Variants in DOCK2 observed in about 807,000 individuals in gnomAD.
DOCK2 encodes the protein dedicator of cytokinesis 2.
DOCK2 carries 87 observed loss-of-function variants against 248.9 expected under a neutral mutation model. The ratio of observed to expected loss-of-function variants is 0.35; its 90% CI spans 0.29 to 0.42. DOCK2 has a LOEUF of 0.42. Among genes scored for constraint, DOCK2 ranks in the 10% least tolerant of loss-of-function variants. The pLI, the probability that DOCK2 is intolerant of heterozygous loss-of-function variation, is 1.00. For synonymous variants in DOCK2, 805 were observed against 821.6 expected (o/e 0.98, Z 0.35); for missense variants, 1,747 against 2,300.2 (o/e 0.76, Z 4.92).
intron 29 of DOCK2, among the ~76,000 whole-genome samples, chr5:169,986,702 G>T (rs551034783): frequency 6.6e-6 from 1 of 152,102 alleles, no homozygotes; most frequent in African/African-American, 2.4e-5. Context: ...AAATCCTGCC[G>T]ATCAGTTCCT....
intron 27 of DOCK2, among the ~76,000 whole-genome samples, chr5:169,932,341 G>A (rs1167094106): frequency 2.0e-5 from 3 of 152,140 alleles, no homozygotes; most frequent in Non-Finnish European, 2.9e-5. Context: ...GAAGTGGTTG[G>A]AACTATACCC....
intron 27 of DOCK2, among the ~76,000 whole-genome samples, chr5:169,869,203 A>G (rs1280819910): frequency 3.4e-4 from 52 of 151,436 alleles, no homozygotes; most frequent in Admixed American, 3.4e-3. Context: ...ATCACTCCTC[A>G]CCCCTCCCCA....
intron 3 of DOCK2, 37 bp downstream of exon 3, chr5:169,669,365 A>C (rs751233228): frequency 1.2e-6 from 2 of 1,612,326 alleles, no homozygotes; most frequent in Non-Finnish European, 1.7e-6. Flanking sequence ...TCAGTACTGG[A>C]GGTCTTCATA....
chr5:169,669,417 C>A, intron 3 of DOCK2, 89 bp downstream of exon 3: 1 of 1,435,090 alleles, frequency 7.0e-7, no homozygotes, highest in Non-Finnish European at 9.8e-7. Context: ...CCCACCATTG[C>A]TCCTCAGCAA....
At chr5:169,994,974 G>A (rs1257903974) in intron 29 of DOCK2, among the ~76,000 whole-genome samples, 1 of 152,012 alleles carries the variant, frequency 6.6e-6, no homozygotes, top group Non-Finnish European at 1.5e-5. Context: ...AATGCAAATT[G>A]ACAAGTACCA....
intron 25 of DOCK2, among the ~76,000 whole-genome samples, chr5:169,791,721 T>A (rs1766346526): frequency 6.6e-6 from 1 of 152,224 alleles, no homozygotes; most frequent in South Asian, 2.1e-4. Context: ...ACTAGCTGGG[T>A]GAGCTACATG....
At chr5:169,766,381 G>A (rs2113756162) in intron 25 of DOCK2, among the ~76,000 whole-genome samples, 1 of 152,276 alleles carries the variant, frequency 6.6e-6, no homozygotes, top group South Asian at 2.1e-4. Context: ...CTTCATCAGT[G>A]CTCTGCAAAA....
intron 27 of DOCK2, among the ~76,000 whole-genome samples, chr5:169,969,917 T>G (rs1177557291): frequency 6.6e-6 from 1 of 152,244 alleles, no homozygotes; most frequent in Non-Finnish European, 1.5e-5. Flanking sequence ...CAAAATTCAA[T>G]GCAAGTTCTT....
chr5:169,997,971 T>C (rs1754704820), intron 30 of DOCK2: 2 of 456,356 alleles, frequency 4.4e-6, no homozygotes, highest in Non-Finnish European at 8.8e-6. Context: ...TTCTACTTCA[T>C]AGGGTTTTTC....
intron 27 of DOCK2, among the ~76,000 whole-genome samples, chr5:169,849,603 T>C (rs899657721): frequency 2.0e-5 from 3 of 152,242 alleles, no homozygotes; most frequent in African/African-American, 4.8e-5. Context: ...ATGTTTAGGA[T>C]TGATCTCCTA....
At chr5:169,831,618 A>G (rs1769231537) in intron 26 of DOCK2, among the ~76,000 whole-genome samples, 1 of 152,158 alleles carries the variant, frequency 6.6e-6, no homozygotes. Flanking sequence ...CAAGCACTTC[A>G]CTCATCTCTA....
chr5:169,684,243 C>A lies in DOCK2; in HGVS notation c.654C>A (p.Ser218=). ...CAATGTATTCCCGGATCTCCTCATC[C>A]CCCACCCATAGCCTCTATGTGTTTG... ...DYAMYSRISS[S]PTHSLYVFVR... is the part of the protein sequence containing the mutation. Residue 218 remains serine (S), a synonymous_variant, in exon 8 of 52, where the codon TCC becomes TCA. Transcript: ENST00000520908. The A allele has an allele frequency of 6.2e-7, 1 of 1,614,154 alleles. No homozygotes were observed. The highest frequency in any genetic ancestry group is 1.7e-5 in the Admixed American group (1 of 60,012).
intron 27 of DOCK2, among the ~76,000 whole-genome samples, chr5:169,903,062 T>C (rs985256591): frequency 3.3e-5 from 5 of 150,968 alleles, no homozygotes; most frequent in South Asian, 2.1e-4. Context: ...CACGCCACTG[T>C]ACTCCAGCCT....
intron 27 of DOCK2, among the ~76,000 whole-genome samples, chr5:169,899,666 A>G (rs2113572961): frequency 6.6e-6 from 1 of 152,306 alleles, no homozygotes; most frequent in South Asian, 2.1e-4. Context: ...AGACCTCTCT[A>G]CATACCACGT....
At chr5:169,997,976 T>A (rs1014037679) in intron 30 of DOCK2, 13 of 456,148 alleles carry the variant, frequency 2.8e-5, no homozygotes, top group Admixed American at 7.0e-5. Context: ...CTTCATAGGG[T>A]TTTTCCAGAA....
intron 32 of DOCK2, among the ~76,000 whole-genome samples, chr5:170,015,459 C>T (rs967791835): frequency 1.3e-5 from 2 of 152,134 alleles, no homozygotes; most frequent in Non-Finnish European, 2.9e-5. Flanking sequence ...GAATTGATTG[C>T]CTGTTTCAGA....
At chr5:169,759,584 T>G (rs1581150276) in intron 23 of DOCK2, 121 bp from the exon 24 acceptor site, 1 of 1,066,542 alleles carries the variant, frequency 9.4e-7, no homozygotes, top group East Asian at 2.5e-5. Flanking sequence ...CCATCAATAT[T>G]GTAATGTCCA....
At chr5:170,051,413 A>G (rs1756910850) in intron 41 of DOCK2, among the ~76,000 whole-genome samples, 1 of 151,740 alleles carries the variant, frequency 6.6e-6, no homozygotes, top group Non-Finnish European at 1.5e-5. Flanking sequence ...GCCTCTGAGC[A>G]TTCATGTTCT....
At chr5:169,800,188 A>G (rs893248129) in intron 25 of DOCK2, among the ~76,000 whole-genome samples, 1 of 152,226 alleles carries the variant, frequency 6.6e-6, no homozygotes, top group Admixed American at 6.5e-5. Context: ...TAAGCAAAGC[A>G]GAATCAAAAT....
Sources: gnomAD v4.1 joint callset for allele counts (sites outside exome capture counted in the v4.1 genomes callset) on GRCh38, gnomAD v4.1.1 for gene constraint, MANE v1.5 for transcripts, NCBI Gene and HGNC (gene_info 2026-07-23, HGNC 2026-07-21) for gene names.